The following CPNE4 variants were observed in gnomAD, a reference collection of about 807,000 sequenced individuals.
The protein encoded by CPNE4 is copine 4, also known as copine-4.
CPNE4 carries 25 observed loss-of-function variants against 67.9 expected under a neutral mutation model. The observed-to-expected ratio is 0.37, with a 90% confidence interval of 0.27 to 0.51. The LOEUF (loss-of-function observed/expected upper bound fraction) is 0.51. Ranked by LOEUF, CPNE4 falls within the 20% of genes least tolerant of loss-of-function variation. The probability of loss-of-function intolerance (pLI) is 0.93; values close to 1 mark genes in which losing one functional copy is unlikely to be tolerated. For missense variants in CPNE4, 464 were observed against 690.8 expected (o/e 0.67, Z 3.68); for synonymous variants, 242 against 244.9 (o/e 0.99, Z 0.11).
intron 1 of CPNE4, among the ~76,000 whole-genome samples, chr3:131,982,228 T>C (rs1456758858): frequency 6.6e-6 from 1 of 152,214 alleles, no homozygotes; most frequent in East Asian, 1.9e-4. Context: ...TAAAACTTTA[T>C]GCATTCAGAT....
chr3:132,010,425 G>A (rs2073728611), intron 1 of CPNE4, among the ~76,000 whole-genome samples: 1 of 54,016 alleles, frequency 1.9e-5, no homozygotes, highest in South Asian at 1.0e-3. Flanking sequence ...GAGTTTGACA[G>A]AAATCTCAAG....
chr3:131,939,195 A>C (rs2071313310), intron 1 of CPNE4, among the ~76,000 whole-genome samples: 1 of 152,174 alleles, frequency 6.6e-6, no homozygotes, highest in African/African-American at 2.4e-5. Context: ...ATTATAAACA[A>C]TCTAAAATCC....
chr3:131,951,981 C>T (rs978820217), intron 1 of CPNE4, among the ~76,000 whole-genome samples: 1 of 152,100 alleles, frequency 6.6e-6, no homozygotes, highest in African/African-American at 2.4e-5. Flanking sequence ...TGCCCAGCCG[C>T]CACCCCGTCT....
chr3:131,802,198 G>A (rs186582746), intron 2 of CPNE4, among the ~76,000 whole-genome samples: 120 of 152,274 alleles, frequency 7.9e-4, no homozygotes, highest in African/African-American at 2.7e-3. Flanking sequence ...GGAGAGAACA[G>A]GGAATGGACT....
At chr3:131,564,945 G>T (rs1936978447) in intron 10 of CPNE4, among the ~76,000 whole-genome samples, 1 of 151,960 alleles carries the variant, frequency 6.6e-6, no homozygotes, top group African/African-American at 2.4e-5. Flanking sequence ...ACAACAAAGG[G>T]GATGCCTGAA....
intron 6 of CPNE4, among the ~76,000 whole-genome samples, chr3:131,683,526 C>T (rs1415203979): frequency 6.6e-6 from 1 of 152,158 alleles, no homozygotes; most frequent in Non-Finnish European, 1.5e-5. Context: ...TTTATGCTTT[C>T]CTCTCCTCTC....
chr3:131,615,436 C>T (rs568587508), intron 7 of CPNE4, among the ~76,000 whole-genome samples: 1 of 152,164 alleles, frequency 6.6e-6, no homozygotes, highest in African/African-American at 2.4e-5. Context: ...TTCATTCTAA[C>T]AGATGATGCT....
intron 2 of CPNE4, among the ~76,000 whole-genome samples, chr3:131,724,444 T>C (rs2081957221): frequency 6.6e-6 from 1 of 152,186 alleles, no homozygotes; most frequent in Non-Finnish European, 1.5e-5. Context: ...CTCTCAGATA[T>C]TAATACATCT....
chr3:131,674,464 G>C (rs560608797), intron 6 of CPNE4, among the ~76,000 whole-genome samples: 3 of 151,934 alleles, frequency 2.0e-5, no homozygotes, highest in Admixed American at 2.0e-4. Context: ...GCTTTTCTTT[G>C]CCAGGAGACA....
intron 1 of CPNE4, among the ~76,000 whole-genome samples, chr3:131,928,384 C>A (rs879371048): frequency 6.6e-6 from 1 of 152,146 alleles, no homozygotes; most frequent in Non-Finnish European, 1.5e-5. Flanking sequence ...TGCTTTAAAT[C>A]TACTTGGCTA....
intron 15 of CPNE4, among the ~76,000 whole-genome samples, chr3:131,535,939 A>T (rs1229327503): frequency 6.6e-6 from 1 of 152,230 alleles, no homozygotes; most frequent in Non-Finnish European, 1.5e-5. Flanking sequence ...GGCATAAAAA[A>T]CATAGAGACT....
At chr3:131,631,122 C>T (rs368593207) in intron 7 of CPNE4, among the ~76,000 whole-genome samples, 1 of 152,150 alleles carries the variant, frequency 6.6e-6, no homozygotes, top group Non-Finnish European at 1.5e-5. Flanking sequence ...TTTCAGATAT[C>T]TTTTTTCTCA....
chr3:131,805,973 G>A (rs1052041363), intron 2 of CPNE4, among the ~76,000 whole-genome samples: 4 of 152,232 alleles, frequency 2.6e-5, no homozygotes, highest in African/African-American at 7.2e-5. Flanking sequence ...TCTTCCAGAT[G>A]TACATATAAA....
intron 4 of CPNE4, among the ~76,000 whole-genome samples, chr3:131,697,565 A>G (rs778469207): frequency 2.5e-4 from 38 of 152,204 alleles, no homozygotes; most frequent in Non-Finnish European, 4.9e-4. Flanking sequence ...ATTTACACTT[A>G]ATCTTAAAGC....
intron 1 of CPNE4, among the ~76,000 whole-genome samples, chr3:131,908,118 A>G (rs1271115566): frequency 6.6e-6 from 1 of 152,144 alleles, no homozygotes; most frequent in African/African-American, 2.4e-5. Flanking sequence ...AACTGTTCAA[A>G]TGTACCAAGG....
At chr3:131,700,054 C>G (rs892667024) in intron 3 of CPNE4, 74 bp from the exon 4 acceptor site, 5 of 251,702 alleles carry the variant, frequency 2.0e-5, no homozygotes, top group Non-Finnish European at 3.5e-5. Context: ...TTTTTTAAAC[C>G]TTTTTTTTTT....
In CPNE4 at chr3:131,669,784, A is replaced by C; in HGVS notation, c.592-20T>G. The C allele has an allele frequency of 1.3e-6, 2 of 1,563,166 alleles. No individual in the cohort carries two copies. Among genetic ancestry groups the C allele is most frequent in the Non-Finnish European group, 1.8e-6 (2 of 1,135,030 alleles). ...CACAACCTGGGAAAAGAAAGAGAGG[A>C]GTGGTGAGTGGGGGAGAAATGCTTG... On this transcript the variant is annotated intron_variant, in intron 6 of 15. Transcript: ENST00000429747.
chr3:131,678,656 A>G (rs1346680097), intron 6 of CPNE4, among the ~76,000 whole-genome samples: 1 of 152,180 alleles, frequency 6.6e-6, no homozygotes, highest in Non-Finnish European at 1.5e-5. Flanking sequence ...GGAATGTTAA[A>G]TGTTGTTGAA....
At chr3:131,683,851 T>G (rs574332979) in intron 6 of CPNE4, among the ~76,000 whole-genome samples, 7 of 152,250 alleles carry the variant, frequency 4.6e-5, no homozygotes, top group Admixed American at 2.6e-4. Flanking sequence ...TGTGAGTGAT[T>G]CCCTCTGGCT....
Sources: allele counts gnomAD v4.1 joint callset (sites outside exome capture counted in the v4.1 genomes callset), GRCh38; gene constraint gnomAD v4.1.1; transcripts MANE v1.5; gene names NCBI Gene and HGNC (gene_info 2026-07-23, HGNC 2026-07-21).